Variants in STON1 observed in about 807,000 individuals in gnomAD.
STON1 encodes stonin 1, also known as stonin-1.
STON1 carries 79 observed loss-of-function variants against 60.9 expected under a neutral mutation model. The observed-to-expected ratio is 1.30, with a 90% CI of 1.08 to 1.56. The LOEUF (loss-of-function observed/expected upper bound fraction) is 1.56. STON1 is among the 40% of genes most tolerant of loss of function. The probability of loss-of-function intolerance (pLI) is 0.00; values close to 1 mark genes in which losing one functional copy is unlikely to be tolerated. For missense variants in STON1, 1,166 were observed against 858.9 expected (o/e 1.36, Z -4.47); for synonymous variants, 363 against 306.9 (o/e 1.18, Z -1.91).
rs190518178 is a variant in STON1, at chr2:48,580,435, C to T, written c.-47-152C>T. On this transcript the variant is annotated intron_variant, in intron 1 of 3. Coordinates refer to ENST00000404752, the MANE Select transcript of STON1 (RefSeq NM_006873.4). ...AAATCTAAAGTGAGTACCTTATAGA[C>T]AGCATACAGTTGGATCATGTTTTTT... is the stretch of plus-strand genomic sequence containing the variant. Among the ~76,000 whole-genome samples the T allele has an allele frequency of 2.7e-5, 4 of 149,576 alleles. No homozygotes were observed. In the Admixed American group the frequency reaches 2.7e-4, roughly 10 times the overall value.
At position 48,585,765 on chromosome 2, in the gene STON1, A is replaced by G. The variant is rs866644357; in HGVS notation, c.1930+3202A>G. Among the ~76,000 whole-genome samples the G allele has an allele frequency of 7.2e-4, 109 of 152,330 alleles. 1 individual carries two copies. Among genetic ancestry groups the G allele is most frequent in the South Asian group, 2.1e-4 (1 of 4,830 alleles). On this transcript the variant is annotated intron_variant, in intron 2 of 3. Transcript: ENST00000404752. Reference sequence around the variant, plus strand: ...AAGAGAGGCAGGCAGAAAGTCAGGCAGGCTGGAATGCCTATTGGAAACTCC... The same window carrying G: ...AAGAGAGGCAGGCAGAAAGTCAGGCGGGCTGGAATGCCTATTGGAAACTCC...
At chr2:48,571,554 C>G (rs1227639986) in intron 1 of STON1, among the ~76,000 whole-genome samples, 1 of 152,168 alleles carries the variant, frequency 6.6e-6, no homozygotes, top group Non-Finnish European at 1.5e-5. Context: ...CTTGAATACT[C>G]TTGGATTCCA....
intron 1 of STON1, among the ~76,000 whole-genome samples, chr2:48,543,001 G>T (rs113842743): frequency 0.14 from 18,662 of 137,468 alleles, 1,771 homozygotes; most frequent in East Asian, 0.41. Context: ...TTGAGATAGA[G>T]TCTCACTTTA....
intron 3 of STON1, among the ~76,000 whole-genome samples, chr2:48,593,526 C>T (rs1359142009): frequency 6.6e-6 from 1 of 152,150 alleles, no homozygotes; most frequent in Non-Finnish European, 1.5e-5. Context: ...TTCACATGAG[C>T]AACATTTTAT....
chr2:48,565,353 C>T (rs1243379776), intron 1 of STON1, among the ~76,000 whole-genome samples: 1 of 152,118 alleles, frequency 6.6e-6, no homozygotes, highest in African/African-American at 2.4e-5. Context: ...CGCCCAGCCT[C>T]CGACTTCTTA....
intron 3 of STON1, 124 bp downstream of exon 3, chr2:48,591,979 G>C (rs1275130173): frequency 4.5e-6 from 6 of 1,333,884 alleles, no homozygotes; most frequent in Non-Finnish European, 2.0e-6. Flanking sequence ...CCCTAGAGAG[G>C]ATCTCAGCTA....
chr2:48,575,370 T>C (rs1326529384), intron 1 of STON1, among the ~76,000 whole-genome samples: 1 of 152,118 alleles, frequency 6.6e-6, no homozygotes, highest in Non-Finnish European at 1.5e-5. Flanking sequence ...TTCTTTTGGA[T>C]AGGCTGGGTT....
intron 3 of STON1, among the ~76,000 whole-genome samples, chr2:48,592,399 T>A (rs1674571385): frequency 6.6e-6 from 1 of 151,552 alleles, no homozygotes; most frequent in Non-Finnish European, 1.5e-5. Flanking sequence ...GAGCATGCTT[T>A]AGGAAATGCT....
intron 3 of STON1, among the ~76,000 whole-genome samples, chr2:48,592,440 T>G (rs749373388): frequency 3.3e-5 from 5 of 151,626 alleles, no homozygotes; most frequent in Admixed American, 2.0e-4. Context: ...TTTTCAGTTT[T>G]TTTTTTTTTA....
chr2:48,578,032 G>A (rs1673620011), intron 1 of STON1, among the ~76,000 whole-genome samples: 1 of 152,088 alleles, frequency 6.6e-6, no homozygotes, highest in South Asian at 2.1e-4. Context: ...CCAGGCTGAA[G>A]TGCAGTGACA....
chr2:48,591,547 C>T, intron 2 of STON1, 106 bp from the exon 3 acceptor site: 2 of 1,458,848 alleles, frequency 1.4e-6, no homozygotes, highest in South Asian at 1.4e-5. Flanking sequence ...TGCTGCAGTG[C>T]TAATGAAATT....
rs537280365 is a variant in STON1, at chr2:48,565,914, A to C, written c.-47-14673A>C. Among the ~76,000 whole-genome samples, 5 of 152,330 alleles carry C rather than the reference A, an allele frequency of 3.3e-5. 1 individual carries two copies. The highest frequency in any genetic ancestry group is 3.3e-4 in the Admixed American group (5 of 15,302). On this transcript the variant is annotated intron_variant, in intron 1 of 3. Transcript: ENST00000404752. The stretch of plus-strand genomic sequence containing the variant: ...GAACATGGTATGGATACATCATAGA[A>C]ATGTCATGATAATAAGGATAAAATT...
chr2:48,591,501 G>C lies in STON1; in HGVS notation c.1931-152G>C, dbSNP rs947605042. On this transcript the variant is annotated intron_variant, in intron 2 of 3. Transcript: ENST00000404752. ...TCCCCCTAGTTGGTGCAAAATTGTA[G>C]ATTTTCATGGTATGTTGTTTAAATG... The C allele has an allele frequency of 3.6e-6, 4 of 1,125,940 alleles. No individual in the cohort carries two copies. In the Admixed American group the frequency reaches 9.8e-5, roughly 28 times the overall value. The allele number at this position is 1,125,940 out of a possible 1,614,324, so 69.7% of individuals were successfully genotyped here. A position where few individuals can be genotyped will look rare whatever the true frequency, so the allele number is the denominator to read the frequency against.
intron 1 of STON1, chr2:48,530,843 C>G (rs1401213588): frequency 6.6e-6 from 1 of 152,310 alleles, no homozygotes; most frequent in East Asian, 1.9e-4. Context: ...TGACCATTCA[C>G]TGGGTATTGG....
intron 3 of STON1, among the ~76,000 whole-genome samples, chr2:48,593,976 T>G (rs1432832189): frequency 6.6e-6 from 1 of 152,188 alleles, no homozygotes; most frequent in African/African-American, 2.4e-5. Flanking sequence ...CTTCCTGGAA[T>G]CTATGCAGGG....
In STON1 at chr2:48,538,495, G is replaced by C. The variant is rs77526311; in HGVS notation, c.-48+8279G>C. On this transcript the variant is annotated intron_variant, in intron 1 of 3. Transcript: ENST00000404752. ...ATGTGTTCTTGGGCTTCTTAGCATA[G>C]TTATTCGTAATTTTCTCTTAGGGTT... 4.5e-3 allele frequency among the ~76,000 whole-genome samples: 687 copies of C among 152,092 alleles called. 2 individuals are homozygous for C. Among genetic ancestry groups the C allele is most frequent in the African/African-American group, 0.016 (669 of 41,494 alleles).
intron 1 of STON1, among the ~76,000 whole-genome samples, chr2:48,579,451 A>G (rs1673746279): frequency 1.8e-4 from 27 of 151,786 alleles, no homozygotes; most frequent in Admixed American, 1.8e-3. Flanking sequence ...GATATTTTCT[A>G]ATTTCCTTTT....
chr2:48,541,699 C>CAAAAAAAAA, intron 1 of STON1, among the ~76,000 whole-genome samples: 1 of 60,680 alleles, frequency 1.6e-5, no homozygotes, highest in Non-Finnish European at 2.9e-5. Context: ...AACTTCGTCT[C>CAAAAAAAAA]AAAAAAAAAA....
intron 1 of STON1, among the ~76,000 whole-genome samples, chr2:48,571,292 T>C (rs1673198085): frequency 6.6e-6 from 1 of 152,126 alleles, no homozygotes; most frequent in African/African-American, 2.4e-5. Context: ...GGAATCAAAA[T>C]AGAGGAATCT....
Sources: gnomAD v4.1 joint callset for allele counts (sites outside exome capture counted in the v4.1 genomes callset) on GRCh38, gnomAD v4.1.1 for gene constraint, MANE v1.5 for transcripts, NCBI Gene and HGNC (gene_info 2026-07-23, HGNC 2026-07-21) for gene names.